Variants in NARS2 observed in about 807,000 individuals in gnomAD.
The protein encoded by NARS2 is asparaginyl-tRNA synthetase 2, mitochondrial.
In NARS2, 60 loss-of-function variants were observed where a neutral mutation model predicts 62.9. The observed-to-expected ratio is 0.95, with a 90% confidence interval of 0.77 to 1.18. NARS2 has a LOEUF of 1.18. NARS2 is among the 50% of genes most tolerant of loss of function. The probability of loss-of-function intolerance (pLI) is 0.00; values close to 1 mark genes in which losing one functional copy is unlikely to be tolerated. For synonymous variants in NARS2, 196 were observed against 200.0 expected, an observed-to-expected ratio of 0.98 and a Z score of 0.17; for missense variants, 619 against 576.4, an observed-to-expected ratio of 1.07 and a Z score of -0.76.
intron 11 of NARS2, among the ~76,000 whole-genome samples, chr11:78,459,260 G>T (rs1332675333): frequency 7.6e-5 from 11 of 145,618 alleles, no homozygotes; most frequent in African/African-American, 1.0e-4. Context: ...TTTTTTTTTT[G>T]TTTTGTTTTG....
intron 5 of NARS2, among the ~76,000 whole-genome samples, chr11:78,552,355 G>A (rs996965535): frequency 3.3e-5 from 5 of 152,054 alleles, no homozygotes; most frequent in South Asian, 2.1e-4. Flanking sequence ...AATATTCTAC[G>A]GTGTATGTGT....
intron 5 of NARS2, among the ~76,000 whole-genome samples, chr11:78,548,411 CA>C (rs1257489474): frequency 2.6e-5 from 4 of 152,012 alleles, no homozygotes; most frequent in Non-Finnish European, 5.9e-5. Context: ...CTAGCACAAC[CA>C]AAATGATGTG....
chr11:78,466,548 T>C (rs1858630867), intron 10 of NARS2, among the ~76,000 whole-genome samples: 1 of 152,168 alleles, frequency 6.6e-6, no homozygotes, highest in African/African-American at 2.4e-5. Context: ...TGGTGCAATC[T>C]CGGCTCACTG....
intron 11 of NARS2, 127 bp downstream of exon 11, chr11:78,465,747 ATG>A: frequency 9.5e-7 from 1 of 1,050,942 alleles, no homozygotes; most frequent in Non-Finnish European, 1.4e-6. Flanking sequence ...TTTTTAAGAG[ATG>A]TCTTTGAAAA....
At chr11:78,450,817 G>C (rs1013594628) in intron 11 of NARS2, among the ~76,000 whole-genome samples, 9 of 151,986 alleles carry the variant, frequency 5.9e-5, no homozygotes, top group African/African-American at 2.2e-4. Context: ...TGGTATTACA[G>C]ATGCATGCCA....
intron 11 of NARS2, among the ~76,000 whole-genome samples, chr11:78,447,052 A>AC (rs888068750): frequency 1.3e-5 from 2 of 152,062 alleles, no homozygotes; most frequent in African/African-American, 4.8e-5. Context: ...TCTCAAAAAA[A>AC]AAACAAACAA....
At chr11:78,484,121 C>CA (rs1331187833) in intron 7 of NARS2, among the ~76,000 whole-genome samples, 1 of 151,968 alleles carries the variant, frequency 6.6e-6, no homozygotes, top group African/African-American at 2.4e-5. Flanking sequence ...ACAAACCTGA[C>CA]AAAAACAAGA....
At chr11:78,508,489 T>A (rs1367834235) in intron 6 of NARS2, among the ~76,000 whole-genome samples, 2 of 150,802 alleles carry the variant, frequency 1.3e-5, no homozygotes, top group Non-Finnish European at 2.9e-5. Flanking sequence ...CTCAAGAGGC[T>A]AAGGCAGGAG....
chr11:78,468,857 T>C (rs906418818), intron 10 of NARS2, among the ~76,000 whole-genome samples: 2 of 151,452 alleles, frequency 1.3e-5, no homozygotes, highest in African/African-American at 4.9e-5. Context: ...GTCTTGAACT[T>C]TGGGGCTCAA....
Position 78,436,855 on chromosome 11 carries a change from T to G in NARS2, c.1290-41A>C, listed in dbSNP as rs1289133002. On this transcript the variant is annotated intron_variant, in intron 13 of 13. Transcript: ENST00000281038. Reference sequence around the variant, plus strand: ...AGAAAATCATCATCTATATATAGTATAAGACCAGATGTTATGATTAGAATT... The same window carrying G: ...AGAAAATCATCATCTATATATAGTAGAAGACCAGATGTTATGATTAGAATT... 3.2e-6 allele frequency: 5 copies of G among 1,564,076 alleles called. No homozygotes were observed. The South Asian group carries it at 5.7e-5, about 18-fold the overall frequency.
At chr11:78,537,025 GT>G (rs1207915468) in intron 5 of NARS2, among the ~76,000 whole-genome samples, 1 of 152,116 alleles carries the variant, frequency 6.6e-6, no homozygotes, top group Non-Finnish European at 1.5e-5. Context: ...TACTGAATAG[GT>G]TTGTACCTAA....
Position 78,441,226 on chromosome 11 carries a change from G to A in NARS2, c.1263-109C>T, listed in dbSNP as rs868400100. ...AAGAACTCTTTATGAAGAAGTAGAC[G>A]ACAAAGCCTCTGCTCTCAAGTAATA... On this transcript the variant is annotated intron_variant, in intron 12 of 13. Coordinates refer to ENST00000281038, the MANE Select transcript of NARS2 (RefSeq NM_024678.6). 1.4e-5 allele frequency: 13 copies of A among 956,858 alleles called. No homozygotes were observed. The Middle Eastern group carries it at 6.9e-4, about 50-fold the overall frequency. The allele number at this position is 956,858 out of a possible 1,614,324, so 59.3% of individuals were successfully genotyped here. A position where few individuals can be genotyped will look rare whatever the true frequency, so the allele number is the denominator to read the frequency against.
chr11:78,567,154 G>A (rs1412956981), intron 3 of NARS2, among the ~76,000 whole-genome samples: 3 of 152,120 alleles, frequency 2.0e-5, no homozygotes, highest in Non-Finnish European at 4.4e-5. Flanking sequence ...CAGAAGCCAA[G>A]GAAGAACAAT....
chr11:78,513,346 CT>C (rs71046977), intron 6 of NARS2, among the ~76,000 whole-genome samples: 90,665 of 141,976 alleles, frequency 0.64, 31,031 homozygotes, highest in Non-Finnish European at 0.79. Context: ...TTCACTCTTT[CT>C]TTTTTTTTTT....
chr11:78,491,295 T>C (rs541761380), intron 7 of NARS2, among the ~76,000 whole-genome samples: 5 of 152,340 alleles, frequency 3.3e-5, no homozygotes, highest in Admixed American at 1.3e-4. Flanking sequence ...CATTCCCTAA[T>C]AGGGATAACC....
chr11:78,563,701 C>T (rs1390140931), intron 4 of NARS2, among the ~76,000 whole-genome samples: 1 of 147,472 alleles, frequency 6.8e-6, no homozygotes, highest in African/African-American at 2.5e-5. Context: ...TGTGGTGGCA[C>T]GCACCTGTAG....
chr11:78,480,307 G>A lies in NARS2; in HGVS notation c.823-1624C>T, dbSNP rs115314943. Among the ~76,000 whole-genome samples, 1,227 of 148,770 alleles carry A rather than the reference G, an allele frequency of 8.2e-3. 17 individuals are homozygous for A. Among genetic ancestry groups the A allele is most frequent in the African/African-American group, 0.029 (1,129 of 38,334 alleles). The stretch of plus-strand genomic sequence containing the variant: ...TTTAGACGGAGTCTTGCTCTCTCAC[G>A]CAGGCAGTGGTGCAATGGCTCACTG... On this transcript the variant is annotated intron_variant, in intron 7 of 13. Transcript: ENST00000281038.
At chr11:78,525,235 G>A (rs1172998915) in intron 6 of NARS2, among the ~76,000 whole-genome samples, 1 of 152,070 alleles carries the variant, frequency 6.6e-6, no homozygotes, top group Non-Finnish European at 1.5e-5. Flanking sequence ...CTGTCCAAAA[G>A]CATAGAATGC....
intron 6 of NARS2, among the ~76,000 whole-genome samples, chr11:78,520,438 G>A (rs1406528820): frequency 1.3e-5 from 2 of 152,020 alleles, no homozygotes; most frequent in African/African-American, 4.8e-5. Context: ...TGGATTTAGG[G>A]CACACCCTAA....
Sources: allele counts gnomAD v4.1 joint callset (sites outside exome capture counted in the v4.1 genomes callset), GRCh38; gene constraint gnomAD v4.1.1; transcripts MANE v1.5; gene names NCBI Gene and HGNC (gene_info 2026-07-23, HGNC 2026-07-21).